Variants in ZNF697 observed in about 807,000 individuals in gnomAD.
The protein encoded by ZNF697 is zinc finger protein 697.
ZNF697 carries 23 observed loss-of-function variants against 32.4 expected under a neutral mutation model. That is an observed-to-expected ratio of 0.71 (90% confidence interval 0.51 to 1.01). ZNF697 has a LOEUF of 1.01. Among genes scored for constraint, ZNF697 ranks in the 50% least tolerant of loss-of-function variants. The pLI is 0.00. For missense variants in ZNF697, 930 were observed against 794.0 expected, an observed-to-expected ratio of 1.17 and a Z score of -2.06; for synonymous variants, 418 against 337.2, an observed-to-expected ratio of 1.24 and a Z score of -2.62.
chr1:119,638,654 G>A (rs376910), intron 1 of ZNF697, among the ~76,000 whole-genome samples: 20 of 152,122 alleles, frequency 1.3e-4, no homozygotes, highest in African/African-American at 4.1e-4. Flanking sequence ...CTCCCTCAAC[G>A]GTTTTGCCTC....
intron 1 of ZNF697, among the ~76,000 whole-genome samples, chr1:119,646,912 C>A (rs146821104): frequency 2.0e-5 from 3 of 152,278 alleles, no homozygotes; most frequent in African/African-American, 7.2e-5. Context: ...ATTTACCAGA[C>A]GCTCAGTCTT....
intron 1 of ZNF697, among the ~76,000 whole-genome samples, chr1:119,635,134 A>G (rs1648885851): frequency 6.6e-6 from 1 of 152,196 alleles, no homozygotes. Context: ...AAAGCTTATA[A>G]AAAGTTTTGA....
At chr1:119,633,911 G>A (rs942027317) in intron 1 of ZNF697, among the ~76,000 whole-genome samples, 1 of 152,228 alleles carries the variant, frequency 6.6e-6, no homozygotes, top group Non-Finnish European at 1.5e-5. Flanking sequence ...ACAGCCACAT[G>A]TGTGTGTTAT....
intron 1 of ZNF697, among the ~76,000 whole-genome samples, chr1:119,644,015 T>A (rs189304205): frequency 6.6e-6 from 1 of 152,376 alleles, no homozygotes; most frequent in East Asian, 1.9e-4. Flanking sequence ...CAATTCATCA[T>A]TAACTCAGTT....
intron 1 of ZNF697, among the ~76,000 whole-genome samples, chr1:119,647,043 A>T (rs1164816700): frequency 7.8e-6 from 1 of 127,884 alleles, no homozygotes; most frequent in Non-Finnish European, 1.6e-5. Flanking sequence ...CCCAGGGTTC[A>T]TGTAGTAAGG....
At chr1:119,642,908 T>A (rs1290287501) in intron 1 of ZNF697, among the ~76,000 whole-genome samples, 1 of 152,218 alleles carries the variant, frequency 6.6e-6, no homozygotes, top group Non-Finnish European at 1.5e-5. Flanking sequence ...ATAAAGTGAT[T>A]CTTTGAAATT....
intron 1 of ZNF697, among the ~76,000 whole-genome samples, chr1:119,646,903 T>C (rs757745554): frequency 6.6e-6 from 1 of 152,200 alleles, no homozygotes; most frequent in Non-Finnish European, 1.5e-5. Flanking sequence ...TCCAACCGCA[T>C]TTACCAGACG....
At chr1:119,628,410 G>A (rs1648662604) in intron 1 of ZNF697, among the ~76,000 whole-genome samples, 1 of 152,128 alleles carries the variant, frequency 6.6e-6, no homozygotes, top group Admixed American at 6.5e-5. Flanking sequence ...TATTAAACGT[G>A]GAAACATGGT....
chr1:119,631,590 TTGGGC>T (rs1648775143), intron 1 of ZNF697, among the ~76,000 whole-genome samples: 1 of 13,038 alleles, frequency 7.7e-5, no homozygotes, highest in African/African-American at 4.1e-4. Flanking sequence ...CAGCCCCCGC[TTGGGC>T]CCCGCTTGGG....
chr1:119,646,542 C>G (rs866206694), intron 1 of ZNF697, among the ~76,000 whole-genome samples: 2 of 152,108 alleles, frequency 1.3e-5, no homozygotes, highest in African/African-American at 4.8e-5. Flanking sequence ...TGTTTCACCT[C>G]GAAAGCCATT....
intron 1 of ZNF697, among the ~76,000 whole-genome samples, chr1:119,627,628 C>T (rs1404993328): frequency 6.6e-6 from 1 of 152,204 alleles, no homozygotes; most frequent in African/African-American, 2.4e-5. Flanking sequence ...TTGGCAGACT[C>T]ATCACCATAT....
At chr1:119,629,106 C>A (rs1282426894) in intron 1 of ZNF697, among the ~76,000 whole-genome samples, 2 of 152,192 alleles carry the variant, frequency 1.3e-5, no homozygotes, top group African/African-American at 4.8e-5. Context: ...AAGTCTAGCT[C>A]CCGTACACAC....
Position 119,625,982 on chromosome 1 carries a change from C to A in ZNF697, c.119G>T (p.Gly40Val), listed in dbSNP as rs1346623153. 1 of 1,613,912 alleles carries A rather than the reference C, an allele frequency of 6.2e-7. No individual in the cohort carries two copies. Among genetic ancestry groups the A allele is most frequent in the Non-Finnish European group, 8.5e-7 (1 of 1,179,906 alleles). Residue 40 changes from glycine (G) to valine (V), a missense_variant, in exon 2 of 3, where the codon GGC (glycine) becomes GTC (valine). Transcript: ENST00000421812. ...REGDPEEREM[G>V]SNPHDTNKRE... is the part of the protein sequence containing the mutation. ...CTTGTTTGTGTCATGTGGATTAGAGCCCATTTCTCTTTCTTCTGGGTCCCC... is the reference window on the plus strand; with the variant it reads ...CTTGTTTGTGTCATGTGGATTAGAGACCATTTCTCTTTCTTCTGGGTCCCC...
At position 119,622,418 on chromosome 1, in the gene ZNF697, G is replaced by C. The variant is rs2101075569; in HGVS notation, c.*287C>G. 3.6e-6 allele frequency: 1 copy of C among 278,342 alleles called. No individual in the cohort carries two copies. 17.2% of individuals were successfully genotyped at this position (278,342 alleles called of 1,614,324 possible). A position where few individuals can be genotyped will look rare whatever the true frequency, so the allele number is the denominator to read the frequency against. On this transcript the variant is annotated 3_prime_UTR_variant, in exon 3 of 3. Coordinates refer to ENST00000421812, the MANE Select transcript of ZNF697 (RefSeq NM_001080470.2). The stretch of plus-strand genomic sequence containing the variant: ...CCCACGAACTGCCCTTCCTCAAAGT[G>C]CCTGGTCCTCCAAGCTCTTCACCCC...
rs1207152199 is a variant in ZNF697 at position 119,647,939 on chromosome 1, C to A, written c.-286G>T. Among the ~76,000 whole-genome samples, 4 of 152,238 alleles carry A rather than the reference C, an allele frequency of 2.6e-5. No homozygotes were observed. Among genetic ancestry groups the A allele is most frequent in the Non-Finnish European group, 5.9e-5 (4 of 68,036 alleles). On this transcript the variant is annotated 5_prime_UTR_variant, in exon 1 of 3. Coordinates refer to ENST00000421812, the MANE Select transcript of ZNF697 (RefSeq NM_001080470.2). ...GGGGAGCGGACAACGGTCCACTTTA[C>A]GAGGCACAACTTCGCCCAGCCGTTC...
chr1:119,623,524 G>T lies in ZNF697; in HGVS notation c.819C>A (p.Asn273Lys), dbSNP rs1219127389. 2 of 1,561,814 alleles carry T rather than the reference G, an allele frequency of 1.3e-6. No individual in the cohort carries two copies. Among genetic ancestry groups the T allele is most frequent in the Non-Finnish European group, 1.7e-6 (2 of 1,155,616 alleles). ...GGCGCAGGTGGTTGGTCAGGTAGGT[G>T]TTGCGGCTGAAGCCCTTGCCGCACT... ...CGECGKGFSR[N>K]TYLTNHLRLH... The change falls in exon 3 of 3, where the codon AAC becomes AAA. Residue 273 changes from asparagine to lysine, a missense_variant. Physicochemically the swap from Asn to Lys is moderately conservative, Grantham distance 94. Transcript: ENST00000421812.
At chr1:119,637,929 G>A (rs1459176465) in intron 1 of ZNF697, among the ~76,000 whole-genome samples, 1 of 151,978 alleles carries the variant, frequency 6.6e-6, no homozygotes, top group East Asian at 1.9e-4. Flanking sequence ...CATCGTCTGT[G>A]TGTGTGTATG....
rs761020827 is a variant in ZNF697 at position 119,621,418 on chromosome 1, C to T, written c.*1287G>A. 2 of 152,640 alleles carry T rather than the reference C, an allele frequency of 1.3e-5. No individual in the cohort carries two copies. The highest frequency in any genetic ancestry group is 2.4e-5 in the African/African-American group (1 of 41,452). The allele number at this position is 152,640 out of a possible 1,614,324, so 9.5% of individuals were successfully genotyped here. On this transcript the variant is annotated 3_prime_UTR_variant, in exon 3 of 3. Transcript: ENST00000421812. ...AACAATTATTAAAAAGCATAAAGCA[C>T]TTTGCAAATATCAAAGTGCTATTTT...
Position 119,647,927 on chromosome 1 carries a change from C to T in ZNF697, c.-274G>A, listed in dbSNP as rs1004935942. ...CCCTGCGCCCCAGGGGAGCGGACAA[C>T]GGTCCACTTTACGAGGCACAACTTC... On this transcript the variant is annotated 5_prime_UTR_variant, in exon 1 of 3. Coordinates refer to ENST00000421812, the MANE Select transcript of ZNF697 (RefSeq NM_001080470.2). 3.3e-5 allele frequency among the ~76,000 whole-genome samples: 5 copies of T among 152,338 alleles called. No individual in the cohort carries two copies. Among genetic ancestry groups the T allele is most frequent in the East Asian group, 1.9e-4 (1 of 5,180 alleles).
Sources: gnomAD v4.1 joint callset for allele counts (sites outside exome capture counted in the v4.1 genomes callset) on GRCh38, gnomAD v4.1.1 for gene constraint, MANE v1.5 for transcripts, NCBI Gene and HGNC (gene_info 2026-07-23, HGNC 2026-07-21) for gene names.